Variants in MAP3K20 observed in about 807,000 individuals in gnomAD.
The protein encoded by MAP3K20 is HCCS-4.
In MAP3K20, 40 loss-of-function variants were observed where a neutral mutation model predicts 85.7. That is an observed-to-expected ratio of 0.47 (90% CI 0.36 to 0.61). The LOEUF (loss-of-function observed/expected upper bound fraction) is 0.61, where lower values mean the gene tolerates loss of function less well. MAP3K20 is among the 20% of genes least tolerant of loss of function. The probability of loss-of-function intolerance (pLI) is 0.00; values close to 1 mark genes in which losing one functional copy is unlikely to be tolerated. For synonymous variants in MAP3K20, 325 were observed against 327.7 expected, an observed-to-expected ratio of 0.99 and a Z score of 0.09; for missense variants, 817 against 961.7, an observed-to-expected ratio of 0.85 and a Z score of 1.99.
At chr2:173,181,201 C>T (rs1690314741) in intron 3 of MAP3K20, among the ~76,000 whole-genome samples, 1 of 152,052 alleles carries the variant, frequency 6.6e-6, no homozygotes, top group South Asian at 2.1e-4. Context: ...GTTATACCCG[C>T]TACAATGGCC....
chr2:173,082,236 G>A (rs1207258531), intron 1 of MAP3K20, among the ~76,000 whole-genome samples: 1 of 152,088 alleles, frequency 6.6e-6, no homozygotes, highest in Non-Finnish European at 1.5e-5. Flanking sequence ...TTAAATGCCT[G>A]ACCTCAAGCG....
At chr2:173,083,912 G>T (rs1267259632) in intron 1 of MAP3K20, among the ~76,000 whole-genome samples, 1 of 152,058 alleles carries the variant, frequency 6.6e-6, no homozygotes, top group Non-Finnish European at 1.5e-5. Context: ...TGTATAAAAA[G>T]TAAACTGGCA....
intron 14 of MAP3K20, among the ~76,000 whole-genome samples, chr2:173,237,679 G>A (rs1037193965): frequency 3.3e-5 from 5 of 152,104 alleles, no homozygotes; most frequent in Admixed American, 1.3e-4. Context: ...CCAAAGAAAT[G>A]TTCTTATAAT....
intron 2 of MAP3K20, among the ~76,000 whole-genome samples, chr2:173,106,469 A>G (rs1574017780): frequency 6.6e-6 from 1 of 152,232 alleles, no homozygotes; most frequent in Non-Finnish European, 1.5e-5. Flanking sequence ...TGGTGCTGGA[A>G]TGATTAATGT....
At chr2:173,166,024 GTT>G (rs1689809950) in intron 2 of MAP3K20, among the ~76,000 whole-genome samples, 1 of 152,140 alleles carries the variant, frequency 6.6e-6, no homozygotes, top group African/African-American at 2.4e-5. Context: ...ACCACTGTCT[GTT>G]TACAAAAATT....
intron 3 of MAP3K20, among the ~76,000 whole-genome samples, chr2:173,174,178 A>T (rs1258767169): frequency 1.3e-5 from 2 of 152,176 alleles, no homozygotes; most frequent in African/African-American, 4.8e-5. Context: ...GCAACTTCAA[A>T]GTCATGAAAC....
chr2:173,134,403 TA>T (rs1688720327), intron 2 of MAP3K20, among the ~76,000 whole-genome samples: 2 of 9,910 alleles, frequency 2.0e-4, no homozygotes, highest in African/African-American at 3.4e-4. Flanking sequence ...CATATATATA[TA>T]TATATATATA....
chr2:173,168,227 T>G (rs2106248486), intron 2 of MAP3K20, among the ~76,000 whole-genome samples: 1 of 152,196 alleles, frequency 6.6e-6, no homozygotes, highest in East Asian at 1.9e-4. Flanking sequence ...AACTAAACTA[T>G]GAGAAGAAGG....
At chr2:173,118,808 C>T (rs530550027) in intron 2 of MAP3K20, among the ~76,000 whole-genome samples, 2 of 152,142 alleles carry the variant, frequency 1.3e-5, no homozygotes, top group South Asian at 2.1e-4. Flanking sequence ...TTCTTTCACT[C>T]GAGAAATTAC....
At chr2:173,165,640 G>GCTATTTC (rs1311330181) in intron 2 of MAP3K20, among the ~76,000 whole-genome samples, 35 of 152,194 alleles carry the variant, frequency 2.3e-4, no homozygotes, top group African/African-American at 8.2e-4. Flanking sequence ...CATAAAATTT[G>GCTATTTC]CTATTTCAGC....
intron 18 of MAP3K20, among the ~76,000 whole-genome samples, chr2:173,262,666 A>C (rs951383381): frequency 1.3e-5 from 2 of 152,150 alleles, no homozygotes; most frequent in African/African-American, 4.8e-5. Context: ...CCAGGCTGGA[A>C]GCCAAAAAGT....
intron 7 of MAP3K20, among the ~76,000 whole-genome samples, chr2:173,195,187 TTA>T (rs1491115306): frequency 8.5e-6 from 1 of 118,276 alleles, no homozygotes. Context: ...TAGCCTCTCT[TTA>T]AAAAAAAAAA....
chr2:173,222,535 G>A (rs11890969), intron 11 of MAP3K20: 2 of 985,644 alleles, frequency 2.0e-6, no homozygotes, highest in African/African-American at 1.7e-5. Flanking sequence ...ATGCTTCCAG[G>A]GGGGTGAGTT....
At chr2:173,085,770 T>G (rs1687126111) in intron 1 of MAP3K20, among the ~76,000 whole-genome samples, 1 of 150,810 alleles carries the variant, frequency 6.6e-6, no homozygotes, top group Admixed American at 6.7e-5. Flanking sequence ...AATTGCCTTT[T>G]TTGTGTAAAA....
intron 3 of MAP3K20, among the ~76,000 whole-genome samples, chr2:173,176,837 A>T: frequency 6.6e-6 from 1 of 152,226 alleles, no homozygotes; most frequent in East Asian, 1.9e-4. Context: ...AATAGGTTAA[A>T]AGTAAGAAGA....
intron 11 of MAP3K20, among the ~76,000 whole-genome samples, chr2:173,219,583 G>T (rs76931786): frequency 0.012 from 1,830 of 152,272 alleles, 25 homozygotes; most frequent in South Asian, 0.039. Context: ...AAGCTGAGAA[G>T]TTTGACTGCA....
intron 3 of MAP3K20, among the ~76,000 whole-genome samples, chr2:173,177,052 AAACT>A (rs952317340): frequency 3.9e-5 from 6 of 152,252 alleles, no homozygotes; most frequent in Non-Finnish European, 8.8e-5. Flanking sequence ...ATGTGAAGCA[AAACT>A]AACTGAATTA....
intron 2 of MAP3K20, among the ~76,000 whole-genome samples, chr2:173,138,885 A>G (rs1260727470): frequency 6.6e-6 from 1 of 152,182 alleles, no homozygotes; most frequent in African/African-American, 2.4e-5. Flanking sequence ...TACCACATGA[A>G]TTGCTGTTCT....
intron 2 of MAP3K20, among the ~76,000 whole-genome samples, chr2:173,169,560 A>C (rs1424222290): frequency 6.6e-6 from 1 of 152,140 alleles, no homozygotes; most frequent in South Asian, 2.1e-4. Flanking sequence ...CTTAAAAAAA[A>C]AAAAAATTAA....
Sources: allele counts gnomAD v4.1 joint callset (sites outside exome capture counted in the v4.1 genomes callset), GRCh38; gene constraint gnomAD v4.1.1; transcripts MANE v1.5; gene names NCBI Gene and HGNC (gene_info 2026-07-23, HGNC 2026-07-21).